The following PTPN3 variants were observed in gnomAD, a reference collection of about 807,000 sequenced individuals.
PTPN3 encodes the protein tyrosine-protein phosphatase non-receptor type 3.
In PTPN3, 96 loss-of-function variants were observed where a neutral mutation model predicts 132.7. That is an observed-to-expected ratio of 0.72 (90% CI 0.61 to 0.86). The LOEUF (loss-of-function observed/expected upper bound fraction) is 0.86, where lower values mean the gene tolerates loss of function less well. Ranked by LOEUF, PTPN3 falls within the 40% of genes least tolerant of loss-of-function variation. PTPN3 has a pLI of 0.00. For synonymous variants in PTPN3, 398 were observed against 429.0 expected (o/e 0.93, Z 0.89); for missense variants, 1,125 against 1,159.6 (o/e 0.97, Z 0.43).
intron 21 of PTPN3, among the ~76,000 whole-genome samples, chr9:109,389,585 A>C (rs1450931316): frequency 6.6e-6 from 1 of 152,260 alleles, no homozygotes; most frequent in Non-Finnish European, 1.5e-5. Context: ...GATCTTTAAG[A>C]TAAAAGTGTG....
At chr9:109,444,436 G>A (rs1475542905) in intron 7 of PTPN3, among the ~76,000 whole-genome samples, 1 of 152,066 alleles carries the variant, frequency 6.6e-6, no homozygotes, top group African/African-American at 2.4e-5. Context: ...ATTCCATCTG[G>A]ACTTTCTATC....
the PTPN3 span, chr9:109,511,353 C>A: frequency 6.6e-6 from 1 of 152,622 alleles, no homozygotes; most frequent in South Asian, 2.1e-4. Context: ...CAAGGGGCAG[C>A]CACAGTAACT....
At chr9:109,461,759 G>GA (rs5899847) in intron 2 of PTPN3, among the ~76,000 whole-genome samples, 90 of 146,410 alleles carry the variant, frequency 6.1e-4, no homozygotes, top group East Asian at 4.1e-3. Context: ...CTTGTTTCAG[G>GA]AAAAAAAAAA....
intron 19 of PTPN3, among the ~76,000 whole-genome samples, chr9:109,402,273 ACCTCT>A (rs747286291): frequency 0.084 from 12,689 of 151,668 alleles, 736 homozygotes; most frequent in Non-Finnish European, 0.12. Context: ...AGAGAAGATA[ACCTCT>A]ACATTTCCTT....
intron 16 of PTPN3, among the ~76,000 whole-genome samples, 182 bp downstream of exon 16, chr9:109,409,817 C>CA (rs992350538): frequency 2.0e-4 from 30 of 151,032 alleles, no homozygotes; most frequent in Non-Finnish European, 3.4e-4. Context: ...TAAAAAAAAA[C>CA]AAAAAAAACC....
chr9:109,393,896 T>G (rs754359849), intron 19 of PTPN3, among the ~76,000 whole-genome samples: 9 of 152,240 alleles, frequency 5.9e-5, no homozygotes, highest in Non-Finnish European at 1.2e-4. Context: ...ATAATTAACA[T>G]AGAGAGTTTG....
Position 109,404,487 on chromosome 9 carries a change from C to G in PTPN3, c.1914G>C (p.Lys638Asn), listed in dbSNP as rs770897495. 92 of 1,540,860 alleles carry G rather than the reference C, an allele frequency of 6.0e-5. No individual in the cohort carries two copies. Among genetic ancestry groups the G allele is most frequent in the Non-Finnish European group, 8.0e-5 (90 of 1,131,878 alleles). Residue 638 changes from lysine to asparagine, a missense_variant, in exon 19 of 26, where the codon AAG (lysine) becomes AAC (asparagine). By Grantham distance (94) the Lys-to-Asn change is moderately conservative. Transcript: ENST00000374541. ...DTLEGSMAQL[K>N]KGLESGTVLI... ...GCACCGTCCCGCTTTCGAGGCCCTT[C>G]TTTAGCTGTGCCATGGATCCCTCCA...
At chr9:109,425,190 G>C (rs1843154230) in intron 12 of PTPN3, among the ~76,000 whole-genome samples, 1 of 152,216 alleles carries the variant, frequency 6.6e-6, no homozygotes, top group Non-Finnish European at 1.5e-5. Context: ...GAAGCTGAGA[G>C]ATAGCATTTA....
the PTPN3 span, among the ~76,000 whole-genome samples, chr9:109,529,012 T>C: frequency 4.6e-5 from 7 of 152,244 alleles, no homozygotes; most frequent in South Asian, 1.0e-3. Context: ...GTTGTAGATA[T>C]GGTCCAAGTA....
chr9:109,467,454 C>G (rs565782145), intron 1 of PTPN3, among the ~76,000 whole-genome samples: 16 of 152,112 alleles, frequency 1.1e-4, no homozygotes, highest in African/African-American at 3.6e-4. Context: ...GCCAGGAAGA[C>G]GAGGACTAAA....
intron 14 of PTPN3, among the ~76,000 whole-genome samples, chr9:109,419,712 A>C (rs1389342141): frequency 6.6e-6 from 1 of 152,216 alleles, no homozygotes; most frequent in Non-Finnish European, 1.5e-5. Flanking sequence ...AATTGAGCCT[A>C]ATGTGCAGTT....
At chr9:109,497,731 C>G (rs1035156639) in intron 1 of PTPN3, among the ~76,000 whole-genome samples, 1 of 152,122 alleles carries the variant, frequency 6.6e-6, no homozygotes, top group East Asian at 1.9e-4. Context: ...CGTGCCAGGC[C>G]CAGGAAATGC....
chr9:109,436,316 G>A (rs568130713), intron 9 of PTPN3, among the ~76,000 whole-genome samples: 19 of 152,294 alleles, frequency 1.2e-4, no homozygotes, highest in Non-Finnish European at 1.5e-5. Context: ...TCTGTAAAAT[G>A]GGGTTAATGA....
intron 25 of PTPN3, among the ~76,000 whole-genome samples, chr9:109,381,279 T>C (rs1016705866): frequency 2.0e-5 from 3 of 151,970 alleles, no homozygotes; most frequent in African/African-American, 7.2e-5. Flanking sequence ...ACACAGCAGG[T>C]ACTCAGGCAC....
intron 1 of PTPN3, among the ~76,000 whole-genome samples, chr9:109,469,031 A>G (rs770472254): frequency 1.3e-5 from 2 of 152,252 alleles, no homozygotes; most frequent in Non-Finnish European, 2.9e-5. Context: ...GCTGCTCTAC[A>G]AACTCAGGGG....
the PTPN3 span, among the ~76,000 whole-genome samples, chr9:109,510,599 A>ATATATATATATATT: frequency 5.5e-3 from 454 of 82,172 alleles, 3 homozygotes; most frequent in East Asian, 0.011. Flanking sequence ...ATATATATAT[A>ATATATATATATATT]TATATATATG....
At chr9:109,420,256 G>A (rs1180817748) in intron 14 of PTPN3, among the ~76,000 whole-genome samples, 168 bp downstream of exon 14, 1 of 152,208 alleles carries the variant, frequency 6.6e-6, no homozygotes, top group Non-Finnish European at 1.5e-5. Flanking sequence ...CGTCTTCCGG[G>A]TGAAAAGGTA....
intron 14 of PTPN3, among the ~76,000 whole-genome samples, chr9:109,416,431 TGTTTTTTGTTTTTTTGTTTC>T (rs1564415346): frequency 2.6e-5 from 4 of 151,318 alleles, no homozygotes; most frequent in Admixed American, 6.6e-5. Flanking sequence ...AGAAGTTTTT[TGTTTTTTGTTTTTTTGTTTC>T]TTTTTTTTTT....
At chr9:109,521,980 C>CGAGGCTTAGA in the PTPN3 span, among the ~76,000 whole-genome samples, 110,544 of 142,770 alleles carry the variant, frequency 0.77, 40,720 homozygotes, top group East Asian at 0.87. Context: ...GAGAGGAAAC[C>CGAGGCTTAGA]GAGGCTTAGA....
Sources: allele counts gnomAD v4.1 joint callset (sites outside exome capture counted in the v4.1 genomes callset), GRCh38; gene constraint gnomAD v4.1.1; transcripts MANE v1.5; gene names NCBI Gene and HGNC (gene_info 2026-07-23, HGNC 2026-07-21).